Variants in FAR2 observed in about 807,000 individuals in gnomAD.
FAR2 encodes the protein fatty acyl-CoA reductase 2.
Under a neutral mutation model 56.0 loss-of-function variants are expected in FAR2, and 19 were observed. The ratio of observed to expected loss-of-function variants is 0.34; its 90% CI spans 0.24 to 0.50. The LOEUF (loss-of-function observed/expected upper bound fraction) is 0.50. Ranked by LOEUF, FAR2 falls within the 20% of genes least tolerant of loss-of-function variation. FAR2 has a pLI of 0.98. For synonymous variants in FAR2, 219 were observed against 218.8 expected, an observed-to-expected ratio of 1.00 and a Z score of -0.01; for missense variants, 508 against 642.2, an observed-to-expected ratio of 0.79 and a Z score of 2.26.
Position 29,243,278 on chromosome 12 carries a change from A to C in FAR2, c.-38-27134A>C, listed in dbSNP as rs1948068016. Among the ~76,000 whole-genome samples, 19 of 152,264 alleles carry C rather than the reference A, an allele frequency of 1.2e-4. 1 individual carries two copies. The South Asian group carries it at 3.9e-3, about 32-fold the overall frequency. ...TTTGGGGCCAGTTGTTACAGAAATG[A>C]TCATTTATCTTCCTGGATTGTCACT... On this transcript the variant is annotated intron_variant, in intron 1 of 11. Coordinates refer to ENST00000536681, the MANE Select transcript of FAR2 (RefSeq NM_001271783.2).
chr12:29,162,064 T>C (rs1464852049), intron 1 of FAR2, among the ~76,000 whole-genome samples: 1 of 152,198 alleles, frequency 6.6e-6, no homozygotes, highest in Non-Finnish European at 1.5e-5. Context: ...CTTCTCCCAA[T>C]CTATGCCTGG....
chr12:29,307,917 T>C (rs2136783119), intron 5 of FAR2, 82 bp downstream of exon 5: 1 of 1,399,706 alleles, frequency 7.1e-7, no homozygotes, highest in South Asian at 1.4e-5. Flanking sequence ...GTCTTTCTTC[T>C]TCTCCTCCTC....
At chr12:29,274,560 C>T (rs1035058509) in intron 2 of FAR2, among the ~76,000 whole-genome samples, 1 of 151,974 alleles carries the variant, frequency 6.6e-6, no homozygotes, top group African/African-American at 2.4e-5. Flanking sequence ...TATTGTCAGG[C>T]CTCTGAGCCC....
intron 1 of FAR2, among the ~76,000 whole-genome samples, chr12:29,220,487 T>C (rs892718541): frequency 7.9e-5 from 12 of 152,222 alleles, no homozygotes; most frequent in African/African-American, 2.7e-4. Flanking sequence ...TGCAGAAATC[T>C]ACAATTTGAG....
chr12:29,229,123 T>C (rs1947814110), intron 1 of FAR2, among the ~76,000 whole-genome samples: 1 of 152,222 alleles, frequency 6.6e-6, no homozygotes. Context: ...TGAGCTTCAA[T>C]TTGCAGTTCA....
At chr12:29,316,372 C>T (rs145631026) in intron 8 of FAR2, among the ~76,000 whole-genome samples, 6 of 152,258 alleles carry the variant, frequency 3.9e-5, no homozygotes, top group African/African-American at 1.4e-4. Flanking sequence ...ACAAAGAAAT[C>T]TTGCCTTGAG....
At chr12:29,309,412 A>T (rs1477403499) in intron 6 of FAR2, among the ~76,000 whole-genome samples, 182 bp downstream of exon 6, 1 of 152,154 alleles carries the variant, frequency 6.6e-6, no homozygotes, top group East Asian at 1.9e-4. Context: ...TTCTTTGAGA[A>T]TTTTTTATCA....
At chr12:29,326,242 A>G (rs1949643792) in intron 10 of FAR2, among the ~76,000 whole-genome samples, 1 of 152,252 alleles carries the variant, frequency 6.6e-6, no homozygotes, top group Non-Finnish European at 1.5e-5. Flanking sequence ...ACAGGCTCTG[A>G]AATTGAGGCA....
intron 2 of FAR2, 134 bp downstream of exon 2, chr12:29,270,772 A>C: frequency 1.5e-6 from 1 of 680,148 alleles, no homozygotes; most frequent in Non-Finnish European, 2.2e-6. Context: ...CAGACAAAAC[A>C]AGACAGCAAC....
intron 2 of FAR2, chr12:29,292,264 T>C (rs1948981801): frequency 6.6e-6 from 1 of 152,216 alleles, no homozygotes; most frequent in Non-Finnish European, 1.5e-5. Context: ...TGAAACCATC[T>C]CCTACTTCTT....
chr12:29,243,628 T>A (rs1490991149), intron 1 of FAR2, among the ~76,000 whole-genome samples: 1 of 152,146 alleles, frequency 6.6e-6, no homozygotes, highest in East Asian at 1.9e-4. Context: ...TCAGGTTATG[T>A]TGATATATCC....
At chr12:29,191,752 T>A (rs1449856382) in intron 1 of FAR2, among the ~76,000 whole-genome samples, 3 of 152,204 alleles carry the variant, frequency 2.0e-5, no homozygotes, top group Admixed American at 2.0e-4. Flanking sequence ...ATTAACAGGC[T>A]CTTGCATTTA....
intron 1 of FAR2, among the ~76,000 whole-genome samples, chr12:29,165,955 C>T (rs749497175): frequency 4.6e-5 from 7 of 152,258 alleles, no homozygotes; most frequent in African/African-American, 9.6e-5. Context: ...AAGCTTTCTC[C>T]TGTCCTATAG....
At chr12:29,265,886 T>C (rs543733462) in intron 1 of FAR2, among the ~76,000 whole-genome samples, 1 of 152,036 alleles carries the variant, frequency 6.6e-6, no homozygotes, top group Admixed American at 6.5e-5. Flanking sequence ...AAAGAAGACA[T>C]ACAAATGGAC....
intron 1 of FAR2, among the ~76,000 whole-genome samples, chr12:29,216,441 T>C (rs1215525265): frequency 1.3e-5 from 2 of 150,008 alleles, no homozygotes; most frequent in African/African-American, 2.4e-5. Context: ...CTTGGGTTCA[T>C]TGACTCTGGG....
At chr12:29,203,771 G>A (rs1444113869) in intron 1 of FAR2, among the ~76,000 whole-genome samples, 1 of 151,990 alleles carries the variant, frequency 6.6e-6, no homozygotes, top group East Asian at 1.9e-4. Flanking sequence ...AGACAGAGGA[G>A]GGTGGATCAC....
At chr12:29,307,928 A>G (rs767311915) in intron 5 of FAR2, 93 bp downstream of exon 5, 17 of 1,322,416 alleles carry the variant, frequency 1.3e-5, no homozygotes, top group East Asian at 2.4e-5. Flanking sequence ...TCTCCTCCTC[A>G]GGATTTATAG....
intron 1 of FAR2, among the ~76,000 whole-genome samples, chr12:29,243,770 A>G (rs1043498907): frequency 6.6e-6 from 1 of 152,222 alleles, no homozygotes; most frequent in Non-Finnish European, 1.5e-5. Flanking sequence ...TTAAAGTCCA[A>G]AAGAAACTCC....
At chr12:29,218,250 T>C (rs796525081) in intron 1 of FAR2, among the ~76,000 whole-genome samples, 1 of 151,818 alleles carries the variant, frequency 6.6e-6, no homozygotes, top group African/African-American at 2.4e-5. Context: ...TCCCAGCTAC[T>C]GAGGAGGCTG....
Sources: allele counts gnomAD v4.1 joint callset (sites outside exome capture counted in the v4.1 genomes callset), GRCh38; gene constraint gnomAD v4.1.1; transcripts MANE v1.5; gene names NCBI Gene and HGNC (gene_info 2026-07-23, HGNC 2026-07-21).